The following RORA variants were observed in gnomAD, a reference collection of about 807,000 sequenced individuals.
RORA encodes RAR related orphan receptor A.
A neutral mutation model predicts 69.5 loss-of-function variants in RORA; 7 were observed. That is an observed-to-expected ratio of 0.10 (90% CI 0.06 to 0.19). The LOEUF is 0.19. Among genes scored for constraint, RORA ranks in the 10% least tolerant of loss-of-function variants. The probability of loss-of-function intolerance (pLI) is 1.00; values close to 1 mark genes in which losing one functional copy is unlikely to be tolerated. For synonymous variants in RORA, 261 were observed against 240.8 expected, an observed-to-expected ratio of 1.08 and a Z score of -0.78; for missense variants, 457 against 663.0, an observed-to-expected ratio of 0.69 and a Z score of 3.41.
At chr15:61,185,519 T>C (rs1351345052) in intron 1 of RORA, among the ~76,000 whole-genome samples, 1 of 152,326 alleles carries the variant, frequency 6.6e-6, no homozygotes, top group East Asian at 1.9e-4. Context: ...AACCTTAGGA[T>C]AGCTCCTAAA....
intron 2 of RORA, among the ~76,000 whole-genome samples, chr15:60,655,621 T>C (rs1567143313): frequency 6.6e-6 from 1 of 152,162 alleles, no homozygotes; most frequent in Non-Finnish European, 1.5e-5. Context: ...GTGTGACCCC[T>C]TTCTCCTAAA....
intron 1 of RORA, among the ~76,000 whole-genome samples, chr15:61,096,405 A>G (rs927042825): frequency 6.6e-6 from 1 of 152,224 alleles, no homozygotes; most frequent in Non-Finnish European, 1.5e-5. Context: ...TCACAGTCCA[A>G]AAGAAAATGC....
At chr15:60,621,535 G>T (rs2140623795) in intron 2 of RORA, among the ~76,000 whole-genome samples, 1 of 152,258 alleles carries the variant, frequency 6.6e-6, no homozygotes, top group Admixed American at 6.5e-5. Context: ...TGACTCCAGT[G>T]GGGAGGTCAC....
At chr15:60,823,240 A>G (rs2072917681) in intron 1 of RORA, among the ~76,000 whole-genome samples, 1 of 150,932 alleles carries the variant, frequency 6.6e-6, no homozygotes, top group African/African-American at 2.4e-5. Context: ...CCAAGGCTGG[A>G]GTGCAATGGT....
At chr15:60,683,586 A>G (rs1416620091) in intron 1 of RORA, among the ~76,000 whole-genome samples, 4 of 152,072 alleles carry the variant, frequency 2.6e-5, no homozygotes, top group Admixed American at 2.6e-4. Context: ...TATCTGGGCT[A>G]GAGAAAAATG....
chr15:60,678,349 T>C (rs545481575), intron 2 of RORA: 21 of 239,538 alleles, frequency 8.8e-5, no homozygotes, highest in Non-Finnish European at 1.4e-4. Flanking sequence ...CTAAGAAGGA[T>C]CTAGGATAAG....
chr15:60,773,850 T>C (rs1438656210), intron 1 of RORA, among the ~76,000 whole-genome samples: 1 of 152,188 alleles, frequency 6.6e-6, no homozygotes, highest in Non-Finnish European at 1.5e-5. Flanking sequence ...GATATGGAAA[T>C]TTCCCAAGGG....
At chr15:60,629,973 A>G (rs1186887476) in intron 2 of RORA, among the ~76,000 whole-genome samples, 27 of 152,252 alleles carry the variant, frequency 1.8e-4, no homozygotes, top group Admixed American at 1.6e-3. Flanking sequence ...CACAAGCCCA[A>G]GAAGAAAAAG....
chr15:60,705,184 G>A (rs2071043781), intron 1 of RORA, among the ~76,000 whole-genome samples: 1 of 151,786 alleles, frequency 6.6e-6, no homozygotes, highest in African/African-American at 2.4e-5. Context: ...GAAAAACCTA[G>A]GTGGTTTTTA....
At chr15:60,855,610 T>TTTTATTTA (rs56303340) in intron 1 of RORA, among the ~76,000 whole-genome samples, 4 of 151,894 alleles carry the variant, frequency 2.6e-5, no homozygotes, top group African/African-American at 4.8e-5. Context: ...CAGTGTTTGC[T>TTTTATTTA]TTTATTTATT....
At chr15:60,988,398 C>T (rs530071423) in intron 1 of RORA, among the ~76,000 whole-genome samples, 6 of 152,276 alleles carry the variant, frequency 3.9e-5, no homozygotes, top group East Asian at 3.9e-4. Context: ...CTGCTCACCT[C>T]GTAGGTCAGA....
intron 1 of RORA, among the ~76,000 whole-genome samples, chr15:60,700,335 A>C (rs1263967633): frequency 6.6e-6 from 1 of 152,208 alleles, no homozygotes; most frequent in Non-Finnish European, 1.5e-5. Flanking sequence ...ACAGCAGGGT[A>C]GTTGACCTTC....
intron 1 of RORA, among the ~76,000 whole-genome samples, chr15:60,732,478 C>T (rs2071441654): frequency 6.6e-6 from 1 of 152,140 alleles, no homozygotes. Context: ...CACCACATTT[C>T]AGGAGGCTTA....
chr15:61,198,676 A>C (rs567548328), intron 1 of RORA, among the ~76,000 whole-genome samples: 2 of 25,600 alleles, frequency 7.8e-5, no homozygotes, highest in Non-Finnish European at 2.0e-4. Context: ...ATATTCTCTC[A>C]AAAAAAAAAA....
At chr15:61,160,512 G>A (rs1004474550) in intron 1 of RORA, among the ~76,000 whole-genome samples, 3 of 152,054 alleles carry the variant, frequency 2.0e-5, no homozygotes, top group Non-Finnish European at 2.9e-5. Context: ...AAAATCTCTC[G>A]AAAAACAGAA....
chr15:61,060,103 T>A (rs1195345357), intron 1 of RORA, among the ~76,000 whole-genome samples: 1 of 151,334 alleles, frequency 6.6e-6, no homozygotes, highest in Admixed American at 6.6e-5. Flanking sequence ...GGTGGAGGGG[T>A]TTCCGTATTA....
Position 60,516,151 on chromosome 15 carries a change from ATATATATATT to A in RORA, c.283-1404_283-1395del, listed in dbSNP as rs1567052029. 4.0e-3 allele frequency among the ~76,000 whole-genome samples: 158 copies of A among 39,832 alleles called. 4 individuals carry two copies. Among genetic ancestry groups the A allele is most frequent in the African/African-American group, 0.012 (154 of 12,616 alleles). The allele number at this position is 39,832 out of a possible 152,430, so 26.1% of individuals were successfully genotyped here. A position where few individuals can be genotyped will look rare whatever the true frequency, so the allele number is the denominator to read the frequency against. On this transcript the variant is annotated intron_variant, in intron 3 of 10. Coordinates refer to ENST00000335670, the MANE Select transcript of RORA (RefSeq NM_134261.3). ...ATTAAATATATTTATATATATTTAT[ATATATATATT>A]TATATATATATTTATATATATATTT...
chr15:60,690,493 C>T (rs896109126), intron 1 of RORA, among the ~76,000 whole-genome samples: 1 of 152,222 alleles, frequency 6.6e-6, no homozygotes, highest in Admixed American at 6.5e-5. Flanking sequence ...GCTTCCTTGG[C>T]AGCCTCCACT....
At chr15:61,169,492 G>A (rs1223628812) in intron 1 of RORA, among the ~76,000 whole-genome samples, 1 of 151,842 alleles carries the variant, frequency 6.6e-6, no homozygotes, top group African/African-American at 2.4e-5. Context: ...GAGAGGAAGA[G>A]TGGTACCCCC....
Sources: allele counts gnomAD v4.1 joint callset (sites outside exome capture counted in the v4.1 genomes callset), GRCh38; gene constraint gnomAD v4.1.1; transcripts MANE v1.5; gene names NCBI Gene and HGNC (gene_info 2026-07-23, HGNC 2026-07-21).